SNRNP25: variants seen among roughly 807,000 people sequenced by gnomAD.
SNRNP25 encodes U11/U12 small nuclear ribonucleoprotein 25 kDa protein.
A neutral mutation model predicts 23.9 loss-of-function variants in SNRNP25; 21 were observed. The observed-to-expected ratio is 0.88, with a 90% CI of 0.62 to 1.27. The LOEUF (loss-of-function observed/expected upper bound fraction) is 1.27. Among genes scored for constraint, SNRNP25 ranks in the 50% most tolerant of loss-of-function variants. SNRNP25 has a pLI of 0.00. For synonymous variants in SNRNP25, 63 were observed against 60.4 expected (o/e 1.04, Z -0.20); for missense variants, 160 against 156.9 (o/e 1.02, Z -0.11).
rs1897422834 is a variant in SNRNP25 at position 57,095 on chromosome 16, C to A, written c.324C>A (p.Ile108=). 3 of 1,613,976 alleles carry A rather than the reference C, an allele frequency of 1.9e-6. No homozygotes were observed. Among genetic ancestry groups the A allele is most frequent in the Non-Finnish European group, 2.5e-6 (3 of 1,180,038 alleles). ...EDRKKLRDYG[I]RNRDEVSFIK... ...TTTCCTTCTTTTTCAGCTACGGCAT[C>A]CGGAATCGAGACGAGGTTTCCTTCA... The change falls in exon 5 of 5, where the codon ATC becomes ATA. Residue 108 remains isoleucine (I), a synonymous_variant. Coordinates refer to ENST00000293861, the MANE Select transcript of SNRNP25 (RefSeq NM_024571.4).
rs1191440546 is a variant in SNRNP25 at position 53,971 on chromosome 16, G to A, written c.-46G>A. 1 of 1,604,256 alleles carries A rather than the reference G, an allele frequency of 6.2e-7. No individual in the cohort carries two copies. Among genetic ancestry groups the A allele is most frequent in the Non-Finnish European group, 8.5e-7 (1 of 1,176,560 alleles). On this transcript the variant is annotated 5_prime_UTR_variant, in exon 1 of 5. Coordinates refer to ENST00000293861, the MANE Select transcript of SNRNP25 (RefSeq NM_024571.4). ...AGGAAGATGAGGACGAAGAAGAGGC[G>A]CTGCCGCACTCCGAGGCCATGGACG...
intron 1 of SNRNP25, 64 bp downstream of exon 1, chr16:54,122 G>C (rs1476615053): frequency 3.3e-6 from 5 of 1,531,572 alleles, no homozygotes; most frequent in Middle Eastern, 2.0e-4. Flanking sequence ...TCCGGGCGCC[G>C]GCAGCCTCCG....
chr16:56,408 C>T, intron 3 of SNRNP25, 131 bp from the exon 4 acceptor site: 1 of 841,426 alleles, frequency 1.2e-6, no homozygotes, highest in Non-Finnish European at 2.0e-6. Context: ...GCACATTGTA[C>T]AGAACAGCCC....
Position 54,077 on chromosome 16 carries a change from T to A in SNRNP25, c.42+19T>A. The stretch of plus-strand genomic sequence containing the variant: ...GATCCAGGTGTGTGCGGGCGGGGGC[T>A]GGGGGCGCGGGAGTCGTTCCCCGGG... On this transcript the variant is annotated intron_variant, in intron 1 of 4. Coordinates refer to ENST00000293861, the MANE Select transcript of SNRNP25 (RefSeq NM_024571.4). 1 of 1,593,262 alleles carries A rather than the reference T, an allele frequency of 6.3e-7. No individual in the cohort carries two copies. The highest frequency in any genetic ancestry group is 8.5e-7 in the Non-Finnish European group (1 of 1,175,114).
Position 57,127 on chromosome 16 carries a change from A to C in SNRNP25, c.356A>C (p.Lys119Thr), listed in dbSNP as rs774736491. ...CGAGACGAGGTTTCCTTCATCAAAA[A>C]GCTGAGGCAAAAGTGAGCCTCCAGA... ...RNRDEVSFIKKLRQK is the reference protein window; with the variant it reads ...RNRDEVSFIKTLRQK The change falls in exon 5 of 5, where the codon AAG becomes ACG. Residue 119 changes from lysine (K) to threonine (T), a missense_variant. Physicochemically the swap from Lys to Thr is moderately conservative, Grantham distance 78. Transcript: ENST00000293861. The C allele has an allele frequency of 1.2e-6, 2 of 1,613,982 alleles. No homozygotes were observed. Among genetic ancestry groups the C allele is most frequent in the African/African-American group, 2.7e-5 (2 of 74,936 alleles).
In SNRNP25 at chr16:53,834, C is replaced by G; in HGVS notation, c.-183C>G. The G allele has an allele frequency of 1.4e-6, 2 of 1,381,396 alleles. No individual in the cohort carries two copies. The highest frequency in any genetic ancestry group is 1.9e-6 in the Non-Finnish European group (2 of 1,046,558). 85.6% of individuals were successfully genotyped at this position (1,381,396 alleles called of 1,614,324 possible). Reference sequence around the variant, plus strand: ...GGCCTCGCTGGGGCGGGCCGCAGTTCCTGCGCGTGCGCGCTTGGCCTCCCT... The same window carrying G: ...GGCCTCGCTGGGGCGGGCCGCAGTTGCTGCGCGTGCGCGCTTGGCCTCCCT... On this transcript the variant is annotated 5_prime_UTR_variant, in exon 1 of 5. Transcript: ENST00000293861.
rs1243931248 is a variant in SNRNP25, at chr16:57,545, A to G, written c.*402A>G. On this transcript the variant is annotated 3_prime_UTR_variant, in exon 5 of 5. Coordinates refer to ENST00000293861, the MANE Select transcript of SNRNP25 (RefSeq NM_024571.4). The stretch of plus-strand genomic sequence containing the variant: ...GAGAGAATTGGTACAGGCGAGTCCT[A>G]TAGTCCAAGATGGCGCCACACCACC... The G allele has an allele frequency of 9.5e-6, 2 of 210,712 alleles. No individual in the cohort carries two copies. Among genetic ancestry groups the G allele is most frequent in the Admixed American group, 5.2e-5 (1 of 19,350 alleles). 13.1% of individuals were successfully genotyped at this position (210,712 alleles called of 1,614,324 possible).
Position 55,258 on chromosome 16 carries a change from C to T in SNRNP25, c.43-201C>T, listed in dbSNP as rs1897391757. On this transcript the variant is annotated intron_variant, in intron 1 of 4. Coordinates refer to ENST00000293861, the MANE Select transcript of SNRNP25 (RefSeq NM_024571.4). ...CACCTCTTTCCCCCAGAGACTCTGTCCACTATGGACATTAAAATGTGAGTG... is the reference window on the plus strand; with the variant it reads ...CACCTCTTTCCCCCAGAGACTCTGTTCACTATGGACATTAAAATGTGAGTG... 12 of 535,546 alleles carry T rather than the reference C, an allele frequency of 2.2e-5. No homozygotes were observed. The South Asian group carries it at 2.4e-4, about 11-fold the overall frequency. The allele number at this position is 535,546 out of a possible 1,614,324, so 33.2% of individuals were successfully genotyped here. A position where few individuals can be genotyped will look rare whatever the true frequency, so the allele number is the denominator to read the frequency against.
At chr16:56,464 C>T (rs1157259927) in intron 3 of SNRNP25, 75 bp from the exon 4 acceptor site, 2 of 1,431,996 alleles carry the variant, frequency 1.4e-6, no homozygotes, top group African/African-American at 1.4e-5. Flanking sequence ...CTGCATGCCT[C>T]AAGCCCACGT....
intron 3 of SNRNP25, chr16:56,116 A>T: frequency 1.6e-6 from 1 of 619,786 alleles, no homozygotes; most frequent in Non-Finnish European, 2.9e-6. Flanking sequence ...TTCCATCGGC[A>T]TCACCCCATC....
intron 3 of SNRNP25, chr16:56,096 C>G: frequency 1.6e-6 from 1 of 622,012 alleles, no homozygotes; most frequent in Non-Finnish European, 2.9e-6. Context: ...CCATCCCCAA[C>G]ATTCTGCTCT....
At chr16:55,962 G>A in intron 3 of SNRNP25, 80 bp downstream of exon 3, 4 of 1,289,086 alleles carry the variant, frequency 3.1e-6, no homozygotes, top group Non-Finnish European at 4.4e-6. Flanking sequence ...GGCACCACCT[G>A]GAAACAGCTC....
chr16:56,613 A>G lies in SNRNP25; in HGVS notation c.314A>G (p.Asp105Gly), dbSNP rs1346105537. 8.7e-6 allele frequency: 14 copies of G among 1,613,870 alleles called. No homozygotes were observed. Among genetic ancestry groups the G allele is most frequent in the Non-Finnish European group, 1.2e-5 (14 of 1,179,990 alleles). ...KLTEDRKKLR[D>G]YGIRNRDEVS... ...ACGGAAGACAGAAAGAAGCTCCGAGAGTAAGTGCCGGCCACGTCCTGAGCC... is the reference window on the plus strand; with the variant it reads ...ACGGAAGACAGAAAGAAGCTCCGAGGGTAAGTGCCGGCCACGTCCTGAGCC... The change falls in exon 4 of 5, where the codon GAC becomes GGC. Residue 105 changes from aspartate (D) to glycine (G), a missense_variant and splice_region_variant. Transcript: ENST00000293861.
chr16:53,834 C>T lies in SNRNP25; in HGVS notation c.-183C>T, dbSNP rs1015163543. The T allele has an allele frequency of 8.7e-6, 12 of 1,381,276 alleles. No individual in the cohort carries two copies. In the African/African-American group the frequency reaches 1.5e-4, roughly 18 times the overall value. The allele number at this position is 1,381,276 out of a possible 1,614,324, so 85.6% of individuals were successfully genotyped here. ...GGCCTCGCTGGGGCGGGCCGCAGTT[C>T]CTGCGCGTGCGCGCTTGGCCTCCCT... On this transcript the variant is annotated 5_prime_UTR_variant, in exon 1 of 5. Coordinates refer to ENST00000293861, the MANE Select transcript of SNRNP25 (RefSeq NM_024571.4).
At chr16:54,149 A>T in intron 1 of SNRNP25, 91 bp downstream of exon 1, 1 of 1,415,754 alleles carries the variant, frequency 7.1e-7, no homozygotes, top group East Asian at 2.4e-5. Flanking sequence ...CTGGTGGGAG[A>T]CTGCGGCCCA....
intron 4 of SNRNP25, among the ~76,000 whole-genome samples, 200 bp from the exon 5 acceptor site, chr16:56,868 GCTGTGACTCTATCTGACA>G (rs1364724077): frequency 6.6e-6 from 1 of 152,220 alleles, no homozygotes; most frequent in Non-Finnish European, 1.5e-5. Context: ...GAGGCGAAAG[GCTGTGACTCTATCTGACA>G]CTCAGTTCCC....
At position 57,219 on chromosome 16, in the gene SNRNP25, G is replaced by A. The variant is rs908263473; in HGVS notation, c.*76G>A. The A allele has an allele frequency of 1.6e-5, 23 of 1,483,682 alleles. No homozygotes were observed. Among genetic ancestry groups the A allele is most frequent in the East Asian group, 2.3e-5 (1 of 44,222 alleles). 91.9% of individuals were successfully genotyped at this position (1,483,682 alleles called of 1,614,324 possible). On this transcript the variant is annotated 3_prime_UTR_variant, in exon 5 of 5. Coordinates refer to ENST00000293861, the MANE Select transcript of SNRNP25 (RefSeq NM_024571.4). The stretch of plus-strand genomic sequence containing the variant: ...AGCAGGAATGGGTCCTCGAATCATC[G>A]TGCCTCTTTCACAGAAAGGACGTTG...
At chr16:54,879 C>T (rs1331623175) in intron 1 of SNRNP25, 1 of 152,600 alleles carries the variant, frequency 6.6e-6, no homozygotes, top group Non-Finnish European at 1.5e-5. Context: ...CGGGGCTTCA[C>T]CATGTTGGGC....
At chr16:56,752 C>A in intron 4 of SNRNP25, 139 bp downstream of exon 4, 2 of 908,928 alleles carry the variant, frequency 2.2e-6, no homozygotes, top group Non-Finnish European at 3.4e-6. Context: ...GCCCTCCCCA[C>A]TAGGAGAATG....
Sources: allele counts gnomAD v4.1 joint callset (sites outside exome capture counted in the v4.1 genomes callset), GRCh38; gene constraint gnomAD v4.1.1; transcripts MANE v1.5; gene names NCBI Gene and HGNC (gene_info 2026-07-23, HGNC 2026-07-21).